GPHN: variants seen among roughly 807,000 people sequenced by gnomAD.
GPHN encodes the protein gephyrin.
A neutral mutation model predicts 95.5 loss-of-function variants in GPHN; 17 were observed. The observed-to-expected ratio is 0.18, with a 90% CI of 0.12 to 0.27. The LOEUF is 0.27. Ranked by LOEUF, GPHN falls within the 10% of genes least tolerant of loss-of-function variation. The pLI, the probability that GPHN is intolerant of heterozygous loss-of-function variation, is 1.00. For synonymous variants in GPHN, 320 were observed against 322.5 expected, an observed-to-expected ratio of 0.99 and a Z score of 0.08; for missense variants, 660 against 978.1, an observed-to-expected ratio of 0.67 and a Z score of 4.34.
chr14:66,864,854 G>T (rs532796047), intron 4 of GPHN, among the ~76,000 whole-genome samples: 1 of 152,096 alleles, frequency 6.6e-6, no homozygotes, highest in African/African-American at 2.4e-5. Context: ...AATAGCCAAG[G>T]TGTGGAATCA....
chr14:67,355,505 T>C, the GPHN span, among the ~76,000 whole-genome samples: 2 of 114,148 alleles, frequency 1.8e-5, no homozygotes, highest in East Asian at 5.4e-4. Context: ...TGTCATACCA[T>C]GCAGTAGTAC....
At chr14:67,318,900 T>A in the GPHN span, among the ~76,000 whole-genome samples, 1 of 151,790 alleles carries the variant, frequency 6.6e-6, no homozygotes, top group Non-Finnish European at 1.5e-5. Context: ...TACTAAAAAA[T>A]ACAAAAAATT....
At chr14:67,354,245 T>C in the GPHN span, among the ~76,000 whole-genome samples, 1 of 152,214 alleles carries the variant, frequency 6.6e-6, no homozygotes, top group Non-Finnish European at 1.5e-5. Flanking sequence ...ATAATCAATA[T>C]CTGGAATATT....
intron 22 of GPHN, among the ~76,000 whole-genome samples, 196 bp downstream of exon 22, chr14:67,179,870 T>C (rs1225359875): frequency 6.6e-6 from 1 of 152,262 alleles, no homozygotes; most frequent in Non-Finnish European, 1.5e-5. Context: ...CTTATTTTAT[T>C]GAGCCATATT....
At chr14:67,088,348 C>T (rs1445284369) in intron 11 of GPHN, among the ~76,000 whole-genome samples, 1 of 152,072 alleles carries the variant, frequency 6.6e-6, no homozygotes, top group Non-Finnish European at 1.5e-5. Context: ...GATATATACA[C>T]ATATATCTTA....
At chr14:67,407,058 G>A in the GPHN span, among the ~76,000 whole-genome samples, 1 of 152,146 alleles carries the variant, frequency 6.6e-6, no homozygotes, top group South Asian at 2.1e-4. Context: ...TCAGGGATGG[G>A]CTTATGAGAC....
chr14:66,952,561 T>G (rs1248602531), intron 8 of GPHN, among the ~76,000 whole-genome samples: 1 of 152,250 alleles, frequency 6.6e-6, no homozygotes, highest in Non-Finnish European at 1.5e-5. Context: ...TGGAATTTGT[T>G]GTAATATGAT....
the GPHN span, among the ~76,000 whole-genome samples, chr14:67,702,653 T>C: frequency 6.6e-6 from 1 of 152,236 alleles, no homozygotes; most frequent in Non-Finnish European, 1.5e-5. Context: ...ACTTAAGTCA[T>C]GTGAACTTGG....
At chr14:67,547,388 G>T in the GPHN span, among the ~76,000 whole-genome samples, 1 of 152,216 alleles carries the variant, frequency 6.6e-6, no homozygotes, top group Non-Finnish European at 1.5e-5. Flanking sequence ...GACAGGTCCA[G>T]CAATTCATGA....
chr14:67,089,133 CTTTTTTTT>C (rs1163483546), intron 12 of GPHN, 58 bp downstream of exon 12: 157 of 200,354 alleles, frequency 7.8e-4, no homozygotes, highest in Middle Eastern at 4.7e-3. Flanking sequence ...TTCTTTTTTT[CTTTTTTTT>C]TTTTTTTTTT....
the GPHN span, chr14:67,685,013 AC>A: frequency 6.2e-7 from 1 of 1,605,482 alleles, no homozygotes; most frequent in Non-Finnish European, 8.5e-7. Context: ...TAACATTCAT[AC>A]CTGAAATGAT....
the GPHN span, among the ~76,000 whole-genome samples, chr14:67,714,348 C>A: frequency 1.3e-5 from 2 of 151,980 alleles, no homozygotes; most frequent in African/African-American, 4.8e-5. Flanking sequence ...TTATGTTGCT[C>A]TTGGTCTCAA....
rs193241671 is a variant in GPHN, at chr14:66,617,646, T to C, written c.65-63461T>C. ...AGCCTCCGAACATGGCTGTTTCTACTCTGCCATCTAGATAGTCTTAATCAG... is the reference window on the plus strand; with the variant it reads ...AGCCTCCGAACATGGCTGTTTCTACCCTGCCATCTAGATAGTCTTAATCAG... On this transcript the variant is annotated intron_variant, in intron 1 of 22. Coordinates refer to ENST00000478722, the MANE Select transcript of GPHN (RefSeq NM_020806.5). 1.1e-4 allele frequency among the ~76,000 whole-genome samples: 16 copies of C among 152,342 alleles called. No homozygotes were observed. The East Asian group carries it at 2.9e-3, about 28-fold the overall frequency.
chr14:67,375,049 T>C, the GPHN span, among the ~76,000 whole-genome samples: 1 of 152,190 alleles, frequency 6.6e-6, no homozygotes, highest in Non-Finnish European at 1.5e-5. Flanking sequence ...GTTTTGGTTT[T>C]TTTCCCCCTC....
At chr14:67,026,858 G>A (rs1182140288) in intron 10 of GPHN, among the ~76,000 whole-genome samples, 1 of 152,114 alleles carries the variant, frequency 6.6e-6, no homozygotes, top group Non-Finnish European at 1.5e-5. Context: ...TAGCCAGGAT[G>A]GTCTCGATCT....
At chr14:67,203,153 C>T in the GPHN span, 1 of 1,613,850 alleles carries the variant, frequency 6.2e-7, no homozygotes, top group Non-Finnish European at 8.5e-7. Context: ...TGACCGTAGG[C>T]ATCTGTTTTT....
At chr14:67,531,480 A>G in the GPHN span, among the ~76,000 whole-genome samples, 1 of 152,132 alleles carries the variant, frequency 6.6e-6, no homozygotes. Context: ...CCCCAAACTC[A>G]TTGAAAGTAA....
intron 8 of GPHN, among the ~76,000 whole-genome samples, chr14:66,937,697 G>A (rs1024567376): frequency 6.6e-6 from 1 of 152,100 alleles, no homozygotes; most frequent in Non-Finnish European, 1.5e-5. Context: ...TAATTAACCA[G>A]ATATCCTCCT....
chr14:66,906,961 G>T (rs185358677), intron 5 of GPHN, among the ~76,000 whole-genome samples: 3 of 152,006 alleles, frequency 2.0e-5, no homozygotes, highest in African/African-American at 7.2e-5. Context: ...ATATCAATTC[G>T]ATCCTGTTGA....
Sources: allele counts gnomAD v4.1 joint callset (sites outside exome capture counted in the v4.1 genomes callset), GRCh38; gene constraint gnomAD v4.1.1; transcripts MANE v1.5; gene names NCBI Gene and HGNC (gene_info 2026-07-23, HGNC 2026-07-21).